TMEM60: variants seen among roughly 807,000 people sequenced by gnomAD.
The protein encoded by TMEM60 is chromosome 7 open reading frame 35.
In TMEM60, 4 loss-of-function variants were observed where a neutral mutation model predicts 10.7. That is an observed-to-expected ratio of 0.37 (90% CI 0.18 to 0.86). The LOEUF (loss-of-function observed/expected upper bound fraction) is 0.86. TMEM60 is among the 40% of genes least tolerant of loss of function. The probability of loss-of-function intolerance (pLI) is 0.43; values close to 1 mark genes in which losing one functional copy is unlikely to be tolerated. For missense variants in TMEM60, 128 were observed against 153.4 expected (o/e 0.83, Z 0.88); for synonymous variants, 56 against 58.1 (o/e 0.96, Z 0.17).
chr7:77,793,975 G>C lies in TMEM60; in HGVS notation c.399C>G (p.Asp133Glu), dbSNP rs1381455738. 1.9e-6 allele frequency: 3 copies of C among 1,561,148 alleles called. No homozygotes were observed. The highest frequency in any genetic ancestry group is 2.8e-5 in the African/African-American group (2 of 72,612). ...ELGYNVFFVR[D>E] ...AAGGAGATGATGTACTTAGAAGTCA[G>C]TCTCTCACAAAAAAGACATTATATC... The change falls in exon 2 of 2, where the codon GAC becomes GAG. Residue 133 changes from aspartate to glutamate, a missense_variant. Transcript: ENST00000257663.
chr7:77,795,896 A>G (rs559769976), intron 1 of TMEM60, among the ~76,000 whole-genome samples: 2 of 152,070 alleles, frequency 1.3e-5, no homozygotes, highest in Admixed American at 6.5e-5. Flanking sequence ...GAATGTATTA[A>G]TATCTGGAAG....
chr7:77,796,927 T>A (rs1792180818), intron 1 of TMEM60, among the ~76,000 whole-genome samples: 1 of 152,228 alleles, frequency 6.6e-6, no homozygotes, highest in Non-Finnish European at 1.5e-5. Context: ...AACAGTTAAG[T>A]ATTAGTCTCC....
chr7:77,795,514 T>TA lies in TMEM60; in HGVS notation c.-50-1092dup, dbSNP rs11286354. 5.3e-5 allele frequency among the ~76,000 whole-genome samples: 8 copies of TA among 150,476 alleles called. No individual in the cohort carries two copies. In the East Asian group the frequency reaches 9.8e-4, roughly 18 times the overall value. The stretch of plus-strand genomic sequence containing the variant: ...GGGCGATGGGAGTGAGACCACTGTC[T>TA]AAAAAAAAAAGATTGTAAAGAGGTT... On this transcript the variant is annotated intron_variant, in intron 1 of 1. Coordinates refer to ENST00000257663, the MANE Select transcript of TMEM60 (RefSeq NM_032936.4).
At position 77,796,534 on chromosome 7, in the gene TMEM60, T is replaced by C. The variant is rs147342423; in HGVS notation, c.-51+1720A>G. On this transcript the variant is annotated intron_variant, in intron 1 of 1. Transcript: ENST00000257663. ...AATGGAAACAATTGAGAACATTTTA[T>C]TCCTTTGAGGCATTTGGAGAAGAGA... is the stretch of plus-strand genomic sequence containing the variant. Among the ~76,000 whole-genome samples, 1,512 of 152,320 alleles carry C rather than the reference T, an allele frequency of 9.9e-3. 10 individuals carry two copies. The highest frequency in any genetic ancestry group is 0.037 in the Middle Eastern group (11 of 294).
intron 1 of TMEM60, among the ~76,000 whole-genome samples, chr7:77,795,179 A>C (rs2150440264): frequency 6.7e-6 from 1 of 149,180 alleles, no homozygotes; most frequent in Non-Finnish European, 1.5e-5. Flanking sequence ...ATCCATCAAT[A>C]AAAGGAGGGA....
Position 77,798,243 on chromosome 7 carries a change from C to G in TMEM60, c.-51+11G>C, listed in dbSNP as rs1304557611. On this transcript the variant is annotated intron_variant, in intron 1 of 1. Coordinates refer to ENST00000257663, the MANE Select transcript of TMEM60 (RefSeq NM_032936.4). ...CGTACGGTGCGGGCTAGGGCAGAGC[C>G]CCAGACTCACCTGGCAGCGCTGCCG... The G allele has an allele frequency of 1.3e-5, 2 of 152,272 alleles. No individual in the cohort carries two copies. Among genetic ancestry groups the G allele is most frequent in the African/African-American group, 4.8e-5 (2 of 41,460 alleles). The allele number at this position is 152,272 out of a possible 1,614,324, so 9.4% of individuals were successfully genotyped here.
At position 77,794,396 on chromosome 7, in the gene TMEM60, T is replaced by C; in HGVS notation, c.-23A>G. 4 of 1,464,148 alleles carry C rather than the reference T, an allele frequency of 2.7e-6. No homozygotes were observed. The highest frequency in any genetic ancestry group is 3.6e-6 in the Non-Finnish European group (4 of 1,108,986). 90.7% of individuals were successfully genotyped at this position (1,464,148 alleles called of 1,614,324 possible). A position where few individuals can be genotyped will look rare whatever the true frequency, so the allele number is the denominator to read the frequency against. On this transcript the variant is annotated 5_prime_UTR_variant, in exon 2 of 2. Coordinates refer to ENST00000257663, the MANE Select transcript of TMEM60 (RefSeq NM_032936.4). ...CATTTAAACAGTTTAAAGAGGCTGT[T>C]GCAGGATCGGAAAAAAGGAAATATA...
intron 1 of TMEM60, among the ~76,000 whole-genome samples, chr7:77,795,754 C>G (rs1371184925): frequency 6.6e-6 from 1 of 152,042 alleles, no homozygotes; most frequent in Admixed American, 6.6e-5. Context: ...TCAGGACCAC[C>G]TAATAAACTT....
At chr7:77,796,521 T>C (rs962897233) in intron 1 of TMEM60, among the ~76,000 whole-genome samples, 3 of 152,014 alleles carry the variant, frequency 2.0e-5, no homozygotes, top group African/African-American at 7.3e-5. Flanking sequence ...TGGAAACAAT[T>C]GAGAACATTT....
chr7:77,793,920 T>C lies in TMEM60; in HGVS notation c.*52A>G. 6.7e-7 allele frequency: 1 copy of C among 1,496,408 alleles called. No homozygotes were observed. Among genetic ancestry groups the C allele is most frequent in the Non-Finnish European group, 8.9e-7 (1 of 1,125,016 alleles). The allele number at this position is 1,496,408 out of a possible 1,614,324, so 92.7% of individuals were successfully genotyped here. ...TTGAAGCTTGACAGATTCAGAACAC[T>C]TTAATGGTAACTTGTTGAACAGCAA... On this transcript the variant is annotated 3_prime_UTR_variant, in exon 2 of 2. Coordinates refer to ENST00000257663, the MANE Select transcript of TMEM60 (RefSeq NM_032936.4).
In TMEM60 at chr7:77,797,089, T is replaced by A. The variant is rs528376949; in HGVS notation, c.-51+1165A>T. Among the ~76,000 whole-genome samples, 3 of 152,300 alleles carry A rather than the reference T, an allele frequency of 2.0e-5. No homozygotes were observed. In the South Asian group the frequency reaches 6.2e-4, roughly 32 times the overall value. On this transcript the variant is annotated intron_variant, in intron 1 of 1. Coordinates refer to ENST00000257663, the MANE Select transcript of TMEM60 (RefSeq NM_032936.4). ...GGCCAGAGGCTGCCATAGAGTGGGA[T>A]GTGGGACTGAATTTGGAAGCAGGGT...
Position 77,793,943 on chromosome 7 carries a change from C to CA in TMEM60, c.*28dup, listed in dbSNP as rs780836358. The CA allele has an allele frequency of 2.0e-6, 3 of 1,515,770 alleles. No homozygotes were observed. The allele number at this position is 1,515,770 out of a possible 1,614,324, so 93.9% of individuals were successfully genotyped here. The stretch of plus-strand genomic sequence containing the variant: ...ACTTTAATGGTAACTTGTTGAACAG[C>CA]AATAGAAAGGAGATGATGTACTTAG... On this transcript the variant is annotated 3_prime_UTR_variant, in exon 2 of 2. Transcript: ENST00000257663.
intron 1 of TMEM60, among the ~76,000 whole-genome samples, chr7:77,795,940 ATT>A (rs59308242): frequency 4.1e-5 from 6 of 146,124 alleles, no homozygotes; most frequent in Admixed American, 3.4e-4. Context: ...CTTTTCTAGA[ATT>A]TTTTTTTTTT....
intron 1 of TMEM60, among the ~76,000 whole-genome samples, chr7:77,796,532 T>G (rs1436657336): frequency 6.6e-6 from 1 of 152,178 alleles, no homozygotes; most frequent in East Asian, 1.9e-4. Context: ...GAGAACATTT[T>G]ATTCCTTTGA....
At chr7:77,797,318 G>A (rs2150441544) in intron 1 of TMEM60, among the ~76,000 whole-genome samples, 1 of 152,292 alleles carries the variant, frequency 6.6e-6, no homozygotes, top group East Asian at 1.9e-4. Flanking sequence ...CTTACCACAG[G>A]TGCTTTAGGG....
At chr7:77,795,773 T>C (rs2150440439) in intron 1 of TMEM60, among the ~76,000 whole-genome samples, 1 of 152,334 alleles carries the variant, frequency 6.6e-6, no homozygotes, top group South Asian at 2.1e-4. Context: ...TTTTGATGTT[T>C]TGTGATTATT....
In TMEM60 at chr7:77,794,899, T is replaced by C. The variant is rs373387988; in HGVS notation, c.-50-476A>G. Among the ~76,000 whole-genome samples the C allele has an allele frequency of 3.3e-5, 5 of 152,270 alleles. No individual in the cohort carries two copies. The East Asian group carries it at 9.6e-4, about 29-fold the overall frequency. On this transcript the variant is annotated intron_variant, in intron 1 of 1. Coordinates refer to ENST00000257663, the MANE Select transcript of TMEM60 (RefSeq NM_032936.4). The stretch of plus-strand genomic sequence containing the variant: ...GGGAAGGGTGCGTGGCTCATGCCAG[T>C]AATCCCAGTATTTGGGGAGGAGAAG...
rs779895667 is a variant in TMEM60 at position 77,794,072 on chromosome 7, A to T, written c.302T>A (p.Phe101Tyr). ...CLALCAKLEQ[F>Y]TTMNLSYVFI... ...GACATAGGATAGATTCATGGTAGTA[A>T]ACTGTTCCAGTTTAGCACAGAGTGC... The change falls in exon 2 of 2, where the codon TTT becomes TAT. Residue 101 changes from phenylalanine to tyrosine, a missense_variant. Phe to Tyr is a conservative substitution (Grantham distance 22). Transcript: ENST00000257663. The T allele has an allele frequency of 6.2e-7, 1 of 1,614,130 alleles. No individual in the cohort carries two copies. Among genetic ancestry groups the T allele is most frequent in the Non-Finnish European group, 8.5e-7 (1 of 1,180,016 alleles).
intron 1 of TMEM60, among the ~76,000 whole-genome samples, 192 bp from the exon 2 acceptor site, chr7:77,794,615 C>T (rs1244533618): frequency 6.6e-6 from 1 of 152,116 alleles, no homozygotes; most frequent in Non-Finnish European, 1.5e-5. Context: ...CAGCCCATGA[C>T]AAAATACAAT....
Sources: allele counts gnomAD v4.1 joint callset (sites outside exome capture counted in the v4.1 genomes callset), GRCh38; gene constraint gnomAD v4.1.1; transcripts MANE v1.5; gene names NCBI Gene and HGNC (gene_info 2026-07-23, HGNC 2026-07-21).